UBE2E1: variants seen among roughly 807,000 people sequenced by gnomAD.
The protein encoded by UBE2E1 is ubiquitin conjugating enzyme E2 E1.
UBE2E1 carries 6 observed loss-of-function variants against 21.4 expected under a neutral mutation model. The ratio of observed to expected loss-of-function variants is 0.28; its 90% CI spans 0.15 to 0.55. The LOEUF is 0.55. Ranked by LOEUF, UBE2E1 falls within the 20% of genes least tolerant of loss-of-function variation. UBE2E1 has a pLI of 0.93. For missense variants in UBE2E1, 142 were observed against 236.5 expected (o/e 0.60, Z 2.62); for synonymous variants, 87 against 82.7 (o/e 1.05, Z -0.28).
chr3:23,887,818 C>G lies in UBE2E1; in HGVS notation c.336+119C>G. 1.5e-6 allele frequency: 2 copies of G among 1,339,322 alleles called. No individual in the cohort carries two copies. Among genetic ancestry groups the G allele is most frequent in the Non-Finnish European group, 1.0e-6 (1 of 998,264 alleles). The allele number at this position is 1,339,322 out of a possible 1,614,324, so 83.0% of individuals were successfully genotyped here. ...AGATTTATCTTATGTCCTAATAGAT[C>G]TGAGTATTTTAACATATACAAAACA... On this transcript the variant is annotated intron_variant, in intron 4 of 5. Coordinates refer to ENST00000306627, the MANE Select transcript of UBE2E1 (RefSeq NM_003341.5). The surrounding 1 kb of genome is among the most constrained non-coding windows in gnomAD (Gnocchi z 4.4).
rs1699680448 is a variant in UBE2E1 at position 23,823,125 on chromosome 3, A to G, written c.203+11615A>G. On this transcript the variant is annotated intron_variant, in intron 3 of 5. Coordinates refer to ENST00000306627, the MANE Select transcript of UBE2E1 (RefSeq NM_003341.5). The surrounding 1 kb of genome is among the most constrained non-coding windows in gnomAD (Gnocchi z 4.2). ...CTCCCAAAGTGCTGGGATTACAGGC[A>G]TGAGCCTCTGCGCCCATCCTGTTTT... Among the ~76,000 whole-genome samples, 1 of 152,166 alleles carries G rather than the reference A, an allele frequency of 6.6e-6. No individual in the cohort carries two copies. Among genetic ancestry groups the G allele is most frequent in the Non-Finnish European group, 1.5e-5 (1 of 68,018 alleles).
chr3:23,827,325 G>A (rs1302924006), intron 3 of UBE2E1, among the ~76,000 whole-genome samples: 1 of 152,212 alleles, frequency 6.6e-6, no homozygotes. Context: ...AGGAACAGTA[G>A]AAAGCCTGAT....
intron 3 of UBE2E1, among the ~76,000 whole-genome samples, chr3:23,820,890 A>G (rs1699629771): frequency 6.6e-6 from 1 of 152,200 alleles, no homozygotes; most frequent in African/African-American, 2.4e-5. Context: ...AGTAAATTCT[A>G]CAGAAAAAGG....
rs2125301643 is a variant in UBE2E1 at position 23,842,792 on chromosome 3, A to G, written c.203+31282A>G. ...TAAAGATTTCTAATTGTACAACAGT[A>G]AATGGAATAAACAATAATAACTTTG... On this transcript the variant is annotated intron_variant, in intron 3 of 5. Transcript: ENST00000306627. The surrounding 1 kb of genome is among the most constrained non-coding windows in gnomAD (Gnocchi z 4.6). 6.6e-6 allele frequency among the ~76,000 whole-genome samples: 1 copy of G among 152,362 alleles called. No homozygotes were observed. Among genetic ancestry groups the G allele is most frequent in the South Asian group, 2.1e-4 (1 of 4,830 alleles).
chr3:23,868,999 A>AT (rs1022835756), intron 3 of UBE2E1, among the ~76,000 whole-genome samples: 3 of 152,046 alleles, frequency 2.0e-5, no homozygotes, highest in Non-Finnish European at 4.4e-5. Context: ...CTCATTCCAA[A>AT]TTTTTTTCAT....
intron 3 of UBE2E1, among the ~76,000 whole-genome samples, chr3:23,865,274 C>T (rs540641642): frequency 1.3e-5 from 2 of 152,326 alleles, no homozygotes; most frequent in African/African-American, 2.4e-5. Flanking sequence ...TCATAGTTCT[C>T]TAGCCCTTTT....
intron 1 of UBE2E1, 92 bp from the exon 2 acceptor site, chr3:23,807,145 C>T (rs1699296288): frequency 8.9e-7 from 1 of 1,124,162 alleles, no homozygotes; most frequent in Non-Finnish European, 1.2e-6. Context: ...CGCGTGCGCC[C>T]CTGGTCAATG....
At chr3:23,817,812 T>G (rs1268654878) in intron 3 of UBE2E1, among the ~76,000 whole-genome samples, 1 of 152,136 alleles carries the variant, frequency 6.6e-6, no homozygotes, top group African/African-American at 2.4e-5. Context: ...AGTGGGAGAA[T>G]AAATAGTAAT....
At chr3:23,854,027 GTGCATGGA>G (rs1700384836) in intron 3 of UBE2E1, among the ~76,000 whole-genome samples, 1 of 152,126 alleles carries the variant, frequency 6.6e-6, no homozygotes, top group African/African-American at 2.4e-5. Context: ...GGAGACCGAG[GTGCATGGA>G]TCACCTGAGG....
Position 23,810,612 on chromosome 3 carries a change from A to T in UBE2E1, c.153-848A>T. ...GCACCTGTGCGGCCGCGGGCCGGCC[A>T]CTTGGGGTCTGTGGTGCCCGAGTGG... On this transcript the variant is annotated intron_variant, in intron 2 of 5. Transcript: ENST00000306627. The surrounding 1 kb of genome is among the most constrained non-coding windows in gnomAD (Gnocchi z 5.8). The T allele has an allele frequency of 1.5e-6, 2 of 1,342,000 alleles. No homozygotes were observed. Among genetic ancestry groups the T allele is most frequent in the Admixed American group, 2.4e-5 (1 of 41,404 alleles). 83.1% of individuals were successfully genotyped at this position (1,342,000 alleles called of 1,614,324 possible). A position where few individuals can be genotyped will look rare whatever the true frequency, so the allele number is the denominator to read the frequency against.
At chr3:23,814,155 A>G (rs1699460821) in intron 3 of UBE2E1, among the ~76,000 whole-genome samples, 1 of 148,418 alleles carries the variant, frequency 6.7e-6, no homozygotes, top group Non-Finnish European at 1.5e-5. Flanking sequence ...ACCCTGTCTC[A>G]AAAAAAAAAG....
Position 23,830,159 on chromosome 3 carries a change from T to C in UBE2E1, c.203+18649T>C, listed in dbSNP as rs539098557. Among the ~76,000 whole-genome samples, 19 of 152,340 alleles carry C rather than the reference T, an allele frequency of 1.2e-4. 3 individuals carry two copies. The South Asian group carries it at 3.5e-3, about 28-fold the overall frequency. On this transcript the variant is annotated intron_variant, in intron 3 of 5. Transcript: ENST00000306627. Reference sequence around the variant, plus strand: ...TCCTCTAATTCTTACATGCATGTGCTTGATCTCTGGGCCATGCTTGCTTCT... The same window carrying C: ...TCCTCTAATTCTTACATGCATGTGCCTGATCTCTGGGCCATGCTTGCTTCT...
intron 2 of UBE2E1, 145 bp downstream of exon 2, chr3:23,807,566 A>C (rs1699305780): frequency 4.0e-6 from 4 of 1,010,218 alleles, no homozygotes; most frequent in Non-Finnish European, 5.4e-6. Context: ...TGGAAGCCCT[A>C]ATTATTTTCT....
At chr3:23,862,878 A>G (rs562834841) in intron 3 of UBE2E1, among the ~76,000 whole-genome samples, 1 of 152,210 alleles carries the variant, frequency 6.6e-6, no homozygotes, top group Non-Finnish European at 1.5e-5. Flanking sequence ...GGCATGCACC[A>G]CCACACTCAG....
intron 3 of UBE2E1, among the ~76,000 whole-genome samples, chr3:23,840,654 G>A (rs545234415): frequency 2.1e-4 from 32 of 152,324 alleles, no homozygotes; most frequent in African/African-American, 7.5e-4. Context: ...CCCTGTGCGA[G>A]CTCTGGGGAG....
rs1333647059 is a variant in UBE2E1, at chr3:23,870,317, C to A, written c.204-17250C>A. On this transcript the variant is annotated intron_variant, in intron 3 of 5. Transcript: ENST00000306627. This position sits in a 1 kb window ranked among gnomAD's most constrained non-coding sequence, Gnocchi z 4.2. ...AAAAGGAGCCAGTTGTGAAGTCACA[C>A]TTATATCACTTTAGACTTAAATATC... Among the ~76,000 whole-genome samples the A allele has an allele frequency of 6.6e-6, 1 of 152,162 alleles. No individual in the cohort carries two copies. Among genetic ancestry groups the A allele is most frequent in the Non-Finnish European group, 1.5e-5 (1 of 68,030 alleles).
In UBE2E1 at chr3:23,859,058, C is replaced by G. The variant is rs538441846; in HGVS notation, c.204-28509C>G. On this transcript the variant is annotated intron_variant, in intron 3 of 5. Coordinates refer to ENST00000306627, the MANE Select transcript of UBE2E1 (RefSeq NM_003341.5). ...TTATTTACCATTTTTGTGTATCTTA[C>G]TAGAATTTTGCCATATTCATTAAAT... Among the ~76,000 whole-genome samples the G allele has an allele frequency of 1.5e-4, 23 of 152,218 alleles. 1 individual carries two copies. The South Asian group carries it at 4.6e-3, about 30-fold the overall frequency.
intron 3 of UBE2E1, among the ~76,000 whole-genome samples, chr3:23,832,708 C>T (rs553993484): frequency 6.6e-6 from 1 of 152,254 alleles, no homozygotes; most frequent in Non-Finnish European, 1.5e-5. Context: ...GCGCTCCAGC[C>T]TGGACAACAG....
chr3:23,824,653 C>G (rs571415951), intron 3 of UBE2E1, among the ~76,000 whole-genome samples: 2 of 152,294 alleles, frequency 1.3e-5, no homozygotes, highest in African/African-American at 4.8e-5. Flanking sequence ...GTCCTTTGAC[C>G]TGAAGATGCG....
Sources: gnomAD v4.1 joint callset for allele counts (sites outside exome capture counted in the v4.1 genomes callset) on GRCh38, gnomAD v4.1.1 for gene constraint, Gnocchi (gnomAD v3.1) non-coding constraint, MANE v1.5 for transcripts, NCBI Gene and HGNC (gene_info 2026-07-23, HGNC 2026-07-21) for gene names.